Variants in INSR observed in about 807,000 individuals in gnomAD.
INSR encodes the protein IR.
Under a neutral mutation model 142.6 loss-of-function variants are expected in INSR, and 67 were observed. That is an observed-to-expected ratio of 0.47 (90% CI 0.39 to 0.58). The LOEUF (loss-of-function observed/expected upper bound fraction) is 0.58. Ranked by LOEUF, INSR falls within the 20% of genes least tolerant of loss-of-function variation. The pLI, the probability that INSR is intolerant of heterozygous loss-of-function variation, is 0.00. For synonymous variants in INSR, 756 were observed against 743.1 expected (o/e 1.02, Z -0.28); for missense variants, 1,248 against 1,833.2 (o/e 0.68, Z 5.83).
intron 2 of INSR, among the ~76,000 whole-genome samples, chr19:7,209,016 TGGGCATA>T (rs1975197848): frequency 6.6e-6 from 1 of 151,166 alleles, no homozygotes; most frequent in South Asian, 2.1e-4. Context: ...AAAAATTAGC[TGGGCATA>T]GTGGCACATG....
chr19:7,126,077 T>G (rs10406869), intron 16 of INSR, among the ~76,000 whole-genome samples: 139,716 of 152,108 alleles, frequency 0.92, 64,275 homozygotes, highest in East Asian at 1. Flanking sequence ...CCTGGAGCTT[T>G]CTACTAGGAA....
chr19:7,293,926 C>T lies in INSR; in HGVS notation c.-35G>A, dbSNP rs944503455. 6 of 1,178,302 alleles carry T rather than the reference C, an allele frequency of 5.1e-6. No homozygotes were observed. The highest frequency in any genetic ancestry group is 6.3e-6 in the Non-Finnish European group (6 of 957,136). 73.0% of individuals were successfully genotyped at this position (1,178,302 alleles called of 1,614,324 possible). On this transcript the variant is annotated 5_prime_UTR_variant, in exon 1 of 22. Transcript: ENST00000302850. ...AGCGCGGGGTCTCCTCGGATCAGAG[C>T]GCGCGGCGCTGGCCCGCGGGGGTCA...
intron 9 of INSR, among the ~76,000 whole-genome samples, chr19:7,153,446 CA>C (rs1973496950): frequency 2.6e-5 from 3 of 115,884 alleles, no homozygotes; most frequent in East Asian, 3.0e-4. Flanking sequence ...TCACACACAC[CA>C]CCACACCCAC....
At chr19:7,123,017 G>C (rs369525718) in intron 17 of INSR, 28 bp from the exon 18 acceptor site, 1 of 1,526,916 alleles carries the variant, frequency 6.5e-7, no homozygotes, top group African/African-American at 1.4e-5. Flanking sequence ...AGGGTTCTTG[G>C]AGGAGGGTCC....
intron 2 of INSR, among the ~76,000 whole-genome samples, chr19:7,240,515 G>A (rs879874787): frequency 1.3e-5 from 2 of 152,218 alleles, no homozygotes; most frequent in Admixed American, 1.3e-4. Flanking sequence ...GTTGCAGTAA[G>A]CCAAGATTGC....
chr19:7,279,472 C>G (rs891700520), intron 1 of INSR, among the ~76,000 whole-genome samples: 1 of 149,138 alleles, frequency 6.7e-6, no homozygotes, highest in Non-Finnish European at 1.5e-5. Flanking sequence ...GAGGAGGGAT[C>G]GTCAATGAGC....
chr19:7,128,800 T>C, intron 15 of INSR, 52 bp downstream of exon 15: 1 of 1,251,128 alleles, frequency 8.0e-7, no homozygotes. Flanking sequence ...AGGCATGTTT[T>C]CCCCCAGAGA....
Position 7,119,907 on chromosome 19 carries a change from AAC to A in INSR, c.3660-326_3660-325del, listed in dbSNP as rs556744836. ...ACATATGCACACACATACACACACA[AAC>A]ACACACACAAACACATCTCTTGGTT... On this transcript the variant is annotated intron_variant, in intron 20 of 21. Coordinates refer to ENST00000302850, the MANE Select transcript of INSR (RefSeq NM_000208.4). The surrounding 1 kb of genome is among the most constrained non-coding windows in gnomAD (Gnocchi z 5.2). Among the ~76,000 whole-genome samples, 2 of 127,170 alleles carry A rather than the reference AAC, an allele frequency of 1.6e-5. No individual in the cohort carries two copies. Among genetic ancestry groups the A allele is most frequent in the African/African-American group, 2.9e-5 (1 of 33,972 alleles). The allele number at this position is 127,170 out of a possible 152,430, so 83.4% of individuals were successfully genotyped here.
intron 2 of INSR, among the ~76,000 whole-genome samples, chr19:7,256,422 C>T (rs1976894882): frequency 6.6e-6 from 1 of 151,992 alleles, no homozygotes. Context: ...GCACTTCAGC[C>T]TGGGCAACAG....
chr19:7,261,104 T>C (rs1387825351), intron 2 of INSR, among the ~76,000 whole-genome samples: 3 of 151,960 alleles, frequency 2.0e-5, no homozygotes, highest in Non-Finnish European at 4.4e-5. Flanking sequence ...CCCAGGCTGG[T>C]CTCGAACTCC....
intron 3 of INSR, among the ~76,000 whole-genome samples, chr19:7,181,638 C>T (rs1974277698): frequency 6.6e-6 from 1 of 151,002 alleles, no homozygotes; most frequent in African/African-American, 2.4e-5. Context: ...GGCGTGATCT[C>T]AGCTCACTGC....
In INSR at chr19:7,119,663, C is replaced by T. The variant is rs1346793871; in HGVS notation, c.3660-80G>A. 9 of 1,482,868 alleles carry T rather than the reference C, an allele frequency of 6.1e-6. No individual in the cohort carries two copies. The highest frequency in any genetic ancestry group is 7.5e-6 in the Non-Finnish European group (8 of 1,073,610). 91.9% of individuals were successfully genotyped at this position (1,482,868 alleles called of 1,614,324 possible). A position where few individuals can be genotyped will look rare whatever the true frequency, so the allele number is the denominator to read the frequency against. ...ACGCGCGCGCGCAAACACACACACG[C>T]AAACGCACACACACACGCAAACACA... On this transcript the variant is annotated intron_variant, in intron 20 of 21. Transcript: ENST00000302850. The surrounding 1 kb of genome is among the most constrained non-coding windows in gnomAD (Gnocchi z 5.2).
At chr19:7,279,458 G>T (rs1051738256) in intron 1 of INSR, among the ~76,000 whole-genome samples, 1 of 150,544 alleles carries the variant, frequency 6.6e-6, no homozygotes, top group Non-Finnish European at 1.5e-5. Flanking sequence ...AGGGAGAAGA[G>T]AGTGAGGAGG....
chr19:7,123,162 C>A, intron 17 of INSR, 173 bp from the exon 18 acceptor site: 1 of 612,078 alleles, frequency 1.6e-6, no homozygotes, highest in Non-Finnish European at 2.9e-6. Flanking sequence ...ACAGATAGGC[C>A]TTTGTATTTT....
chr19:7,151,540 C>A (rs1197871335), intron 10 of INSR, among the ~76,000 whole-genome samples: 3 of 151,450 alleles, frequency 2.0e-5, no homozygotes, highest in Non-Finnish European at 2.9e-5. Context: ...CCCACTTCGG[C>A]CTCCCAAAGT....
At chr19:7,117,509 A>C (rs758884934) in intron 21 of INSR, 99 bp from the exon 22 acceptor site, 49 of 780,138 alleles carry the variant, frequency 6.3e-5, no homozygotes, top group Non-Finnish European at 9.2e-5. Context: ...CCCACGGACC[A>C]CATGTGCTCA....
Position 7,184,511 on chromosome 19 carries a change from A to C in INSR, c.779T>G (p.Leu260Arg), listed in dbSNP as rs121913141. The C allele has an allele frequency of 6.2e-7, 1 of 1,614,036 alleles. No homozygotes were observed. The highest frequency in any genetic ancestry group is 1.6e-4 in the Middle Eastern group (1 of 6,062). ...TKCVACRNFY[L>R]DGRCVETCPP... is the part of the protein sequence containing the mutation. ...GCAGGTCTCCACACACCTGCCGTCC[A>C]GGTAGAAGTTGCGGCAGGCCACGCA... The change falls in exon 3 of 22, where the codon CTG becomes CGG. Residue 260 changes from leucine to arginine, a missense_variant. Transcript: ENST00000302850.
intron 2 of INSR, among the ~76,000 whole-genome samples, chr19:7,237,732 C>T (rs941511575): frequency 1.3e-5 from 2 of 151,906 alleles, no homozygotes; most frequent in Non-Finnish European, 2.9e-5. Context: ...AGGAGAATGG[C>T]GTAAACCCGG....
intron 3 of INSR, among the ~76,000 whole-genome samples, chr19:7,182,402 A>G (rs1417276825): frequency 1.3e-5 from 2 of 152,016 alleles, no homozygotes; most frequent in East Asian, 3.9e-4. Context: ...AATCCCAGCT[A>G]CTTGGGAGGC....
Sources: allele counts gnomAD v4.1 joint callset (sites outside exome capture counted in the v4.1 genomes callset), GRCh38; gene constraint gnomAD v4.1.1; non-coding constraint Gnocchi (gnomAD v3.1); transcripts MANE v1.5; gene names NCBI Gene and HGNC (gene_info 2026-07-23, HGNC 2026-07-21).